The following FASTKD1 variants were observed in gnomAD, a reference collection of about 807,000 sequenced individuals.
The protein encoded by FASTKD1 is FAST kinase domain-containing protein 1, mitochondrial.
A neutral mutation model predicts 90.9 loss-of-function variants in FASTKD1; 94 were observed. That is an observed-to-expected ratio of 1.03 (90% CI 0.88 to 1.23). The LOEUF (loss-of-function observed/expected upper bound fraction) is 1.23, where lower values mean the gene tolerates loss of function less well. Among genes scored for constraint, FASTKD1 ranks in the 50% most tolerant of loss-of-function variants. The probability of loss-of-function intolerance (pLI) is 0.00; values close to 1 mark genes in which losing one functional copy is unlikely to be tolerated. For synonymous variants in FASTKD1, 319 were observed against 345.8 expected (o/e 0.92, Z 0.86); for missense variants, 945 against 993.5 (o/e 0.95, Z 0.66).
At position 169,546,685 on chromosome 2, in the gene FASTKD1, T is replaced by C. The variant is rs1453258748; in HGVS notation, c.1234A>G (p.Ile412Val). 2 of 1,595,658 alleles carry C rather than the reference T, an allele frequency of 1.3e-6. No homozygotes were observed. The highest frequency in any genetic ancestry group is 1.7e-6 in the Non-Finnish European group (2 of 1,172,124). Reference sequence around the variant, plus strand: ...ACCAGAACAGACACCTCAGTTGGTATGAAACTATTTTTCAAATAACTGCAA... The same window carrying C: ...ACCAGAACAGACACCTCAGTTGGTACGAAACTATTTTTCAAATAACTGCAA... ...LLLSYLKNSFIPTEVSVLVRA... is the reference protein window; with the variant it reads ...LLLSYLKNSFVPTEVSVLVRA... The change falls in exon 8 of 15, where the codon ATA becomes GTA. Residue 412 changes from isoleucine to valine, a missense_variant. Ile to Val is a conservative substitution (Grantham distance 29, BLOSUM62 3). Coordinates refer to ENST00000453153, the MANE Select transcript of FASTKD1 (RefSeq NM_024622.6).
At chr2:169,552,122 T>C (rs1574391100) in intron 7 of FASTKD1, among the ~76,000 whole-genome samples, 1 of 152,300 alleles carries the variant, frequency 6.6e-6, no homozygotes, top group Non-Finnish European at 1.5e-5. Flanking sequence ...AAGAAGGTAA[T>C]TCTGAAACAT....
At chr2:169,556,339 G>T (rs1447314821) in intron 6 of FASTKD1, among the ~76,000 whole-genome samples, 7 of 150,192 alleles carry the variant, frequency 4.7e-5, no homozygotes, top group African/African-American at 1.7e-4. Context: ...AGGAGGCTGA[G>T]ATGAGAGGAT....
At chr2:169,535,616 T>C (rs997423895) in intron 12 of FASTKD1, among the ~76,000 whole-genome samples, 24 of 152,154 alleles carry the variant, frequency 1.6e-4, no homozygotes, top group South Asian at 2.1e-4. Context: ...AGCCAATTTA[T>C]GGATTTTTGT....
At chr2:169,534,459 T>C (rs1458704965) in intron 12 of FASTKD1, among the ~76,000 whole-genome samples, 3 of 146,842 alleles carry the variant, frequency 2.0e-5, no homozygotes, top group Non-Finnish European at 4.5e-5. Flanking sequence ...TGTTTTTTTT[T>C]TTTCTTTTTT....
chr2:169,541,093 C>T (rs1329267016), intron 9 of FASTKD1, among the ~76,000 whole-genome samples: 1 of 152,056 alleles, frequency 6.6e-6, no homozygotes, highest in Non-Finnish European at 1.5e-5. Context: ...AAAGAAAGAC[C>T]AGATCATAAA....
chr2:169,563,346 C>T lies in FASTKD1; in HGVS notation c.451G>A (p.Asp151Asn). The T allele has an allele frequency of 6.3e-7, 1 of 1,590,252 alleles. No individual in the cohort carries two copies. Among genetic ancestry groups the T allele is most frequent in the Admixed American group, 1.7e-5 (1 of 59,166 alleles). Residue 151 changes from aspartate to asparagine, a missense_variant, in exon 4 of 15, where the codon GAT becomes AAT. By Grantham distance (23) the Asp-to-Asn change is conservative. Transcript: ENST00000453153. ...TEAWRRLERF[D>N]IKLLSEFSSC... ...GAAAATTCTGAGAGCAGTTTAATAT[C>T]AAACCTATTAAAGGAAATATACAAA...
chr2:169,562,931 T>C (rs186242262), intron 4 of FASTKD1, among the ~76,000 whole-genome samples: 1 of 152,240 alleles, frequency 6.6e-6, no homozygotes, highest in East Asian at 1.9e-4. Context: ...CAGGCCTTCC[T>C]ACGGCACACG....
At chr2:169,555,288 T>G in intron 6 of FASTKD1, 33 bp from the exon 7 acceptor site, 2 of 1,566,456 alleles carry the variant, frequency 1.3e-6, no homozygotes, top group South Asian at 2.3e-5. Context: ...TATAACCAGT[T>G]CATTCATTTA....
intron 4 of FASTKD1, among the ~76,000 whole-genome samples, chr2:169,561,752 AT>A (rs1244700573): frequency 1.4e-5 from 2 of 138,228 alleles, no homozygotes; most frequent in Non-Finnish European, 1.6e-5. Flanking sequence ...TTCATTATAA[AT>A]TATTTATTAA....
intron 6 of FASTKD1, among the ~76,000 whole-genome samples, chr2:169,556,448 C>CAA (rs1183409632): frequency 8.3e-6 from 1 of 120,732 alleles, no homozygotes; most frequent in Non-Finnish European, 1.8e-5. Flanking sequence ...AAAAAAAAAA[C>CAA]AAAAAAAAAA....
At chr2:169,544,684 C>G (rs778805085) in intron 9 of FASTKD1, 37 bp downstream of exon 9, 1 of 1,134,462 alleles carries the variant, frequency 8.8e-7, no homozygotes. Context: ...TATCCTCTGA[C>G]TTATTCACTC....
At chr2:169,558,759 T>G (rs1170525779) in intron 5 of FASTKD1, among the ~76,000 whole-genome samples, 8 of 151,450 alleles carry the variant, frequency 5.3e-5, no homozygotes, top group Non-Finnish European at 1.2e-4. Flanking sequence ...CCCTTTTTTT[T>G]TGTATTTTTA....
At chr2:169,565,249 CTTTTTTTTTTTTTTTT>C (rs71003101) in intron 3 of FASTKD1, among the ~76,000 whole-genome samples, 1 of 26,518 alleles carries the variant, frequency 3.8e-5, no homozygotes, top group Admixed American at 5.9e-4. Flanking sequence ...CCACACCAGG[CTTTTTTTTTTTTTTTT>C]TTTTTTTTTT....
intron 3 of FASTKD1, among the ~76,000 whole-genome samples, chr2:169,566,898 C>T (rs1268179673): frequency 2.6e-5 from 4 of 152,026 alleles, no homozygotes; most frequent in African/African-American, 7.2e-5. Context: ...GGGCAGATCA[C>T]GAGGTCAGGA....
chr2:169,546,568 G>C lies in FASTKD1; in HGVS notation c.1351C>G (p.Leu451Val), dbSNP rs753054133. The change falls in exon 8 of 15, where the codon CTG becomes GTG. Residue 451 changes from leucine to valine, a missense_variant. By Grantham distance (32) the Leu-to-Val change is conservative (BLOSUM62 1). Transcript: ENST00000453153. ...AVLPQCDLNN[L>V]SSFATSVLRW... The stretch of plus-strand genomic sequence containing the variant: ...AAAACAGATGTGGCAAAACTACTCA[G>C]GTTATTTAGGTCACACTGTGGTAAA... 7 of 1,614,138 alleles carry C rather than the reference G, an allele frequency of 4.3e-6. No homozygotes were observed. Among genetic ancestry groups the C allele is most frequent in the Non-Finnish European group, 5.9e-6 (7 of 1,180,036 alleles).
intron 12 of FASTKD1, among the ~76,000 whole-genome samples, chr2:169,533,428 A>C (rs1041885634): frequency 6.6e-6 from 1 of 152,210 alleles, no homozygotes; most frequent in African/African-American, 2.4e-5. Context: ...CAGAATGCCA[A>C]GCTCAAATCC....
intron 12 of FASTKD1, 35 bp from the exon 13 acceptor site, chr2:169,531,525 G>A (rs777028485): frequency 6.8e-5 from 104 of 1,540,264 alleles, no homozygotes; most frequent in Non-Finnish European, 8.6e-5. Context: ...GTATGAATTA[G>A]GTAAAGTCTT....
chr2:169,540,126 C>A lies in FASTKD1; in HGVS notation c.1870G>T (p.Glu624Ter). 6.2e-7 allele frequency: 1 copy of A among 1,608,068 alleles called. No individual in the cohort carries two copies. The highest frequency in any genetic ancestry group is 1.1e-5 in the South Asian group (1 of 89,928). Residue 624 changes from glutamate (E) to a stop codon, truncating the protein, a stop_gained, in exon 10 of 15, where the codon GAA becomes TAA. Coordinates refer to ENST00000453153, the MANE Select transcript of FASTKD1 (RefSeq NM_024622.6). LOFTEE classifies it high-confidence loss of function. ...TTTAGCAGATCTTCTGGAAAATATT[C>A]AAGTGTGGCCAAAGAGAAACCAAGA... ...VFLGFSLATL[E>*]YFPEDLLKAI...
In FASTKD1 at chr2:169,571,760, C is replaced by T. The variant is rs766619573; in HGVS notation, c.270G>A (p.Glu90=). 14 of 1,613,892 alleles carry T rather than the reference C, an allele frequency of 8.7e-6. No homozygotes were observed. Among genetic ancestry groups the T allele is most frequent in the Non-Finnish European group, 9.3e-6 (11 of 1,179,966 alleles). Residue 90 remains glutamate (E), a synonymous_variant, in exon 2 of 15, where the codon GAG becomes GAA. Coordinates refer to ENST00000453153, the MANE Select transcript of FASTKD1 (RefSeq NM_024622.6). ...GAAATTGAGGATGGTCTCTGACATA[C>T]TCAGCATTTTTTAACAGGCTGGTCT... is the stretch of plus-strand genomic sequence containing the variant. ...KQKTSLLKNA[E]YVRDHPQFLT...
Sources: gnomAD v4.1 joint callset for allele counts (sites outside exome capture counted in the v4.1 genomes callset) on GRCh38, gnomAD v4.1.1 for gene constraint, MANE v1.5 for transcripts, NCBI Gene and HGNC (gene_info 2026-07-23, HGNC 2026-07-21) for gene names.